The following HHATL variants were observed in gnomAD, a reference collection of about 807,000 sequenced individuals.
HHATL encodes the protein hedgehog acyltransferase like.
HHATL carries 49 observed loss-of-function variants against 59.7 expected under a neutral mutation model. The ratio of observed to expected loss-of-function variants is 0.82; its 90% CI spans 0.65 to 1.04. HHATL has a LOEUF of 1.04. Among genes scored for constraint, HHATL ranks in the 50% least tolerant of loss-of-function variants. The pLI is 0.00. For missense variants in HHATL, 605 were observed against 650.8 expected (o/e 0.93, Z 0.77); for synonymous variants, 238 against 257.3 (o/e 0.93, Z 0.72).
At chr3:42,696,574 C>G (rs1697620155) in intron 9 of HHATL, among the ~76,000 whole-genome samples, 2 of 152,186 alleles carry the variant, frequency 1.3e-5, no homozygotes, top group Admixed American at 6.5e-5. Context: ...TCTCCTTCTC[C>G]TTCCCAACAC....
At chr3:42,693,560 G>A in intron 10 of HHATL, 57 bp downstream of exon 10, 2 of 1,451,172 alleles carry the variant, frequency 1.4e-6, no homozygotes, top group East Asian at 2.4e-5. Context: ...GAAAGCAGCA[G>A]TGCCCCCCCG....
chr3:42,692,761 TTC>T lies in HHATL; in HGVS notation c.1503_1504del (p.Lys502AlafsTer8). 1 of 1,614,174 alleles carries T rather than the reference TTC, an allele frequency of 6.2e-7. No individual in the cohort carries two copies. Among genetic ancestry groups the T allele is most frequent in the South Asian group, 1.1e-5 (1 of 91,088 alleles). On this transcript the variant is annotated frameshift_variant, in exon 12 of 12. Transcript: ENST00000441594. LOFTEE classifies it high-confidence loss of function. ...TCTACCCGCTCCCTCCTACTCCGGCTTCTCTTTGTCCTGCTTCTGCTCCTCCT... is the reference window on the plus strand; with the variant it reads ...TCTACCCGCTCCCTCCTACTCCGGCTTCTTTGTCCTGCTTCTGCTCCTCCT...
intron 2 of HHATL, 98 bp downstream of exon 2, chr3:42,700,623 G>A: frequency 2.7e-6 from 2 of 728,138 alleles, no homozygotes; most frequent in East Asian, 2.7e-5. Flanking sequence ...GAGTACCCTA[G>A]GTCTGGAGCC....
In HHATL at chr3:42,694,815, G is replaced by A. The variant is rs1242695429; in HGVS notation, c.1047-997C>T. ...CCTCAGAGAAGCCTGCCTAGACCCC[G>A]ACTAAAGAAGCTTCTACCCTGTTGT... On this transcript the variant is annotated intron_variant, in intron 9 of 11. Coordinates refer to ENST00000441594, the MANE Select transcript of HHATL (RefSeq NM_020707.4). 5.3e-5 allele frequency among the ~76,000 whole-genome samples: 8 copies of A among 152,074 alleles called. No individual in the cohort carries two copies. The South Asian group carries it at 8.3e-4, about 16-fold the overall frequency.
In HHATL at chr3:42,699,158, G is replaced by A. The variant is rs201491742; in HGVS notation, c.175-13C>T. On this transcript the variant is annotated splice_polypyrimidine_tract_variant and intron_variant, in intron 3 of 11. Transcript: ENST00000441594. ...AGTCAGCCACATCCTGGGGCAGTCC[G>A]GGGCAGAAGGAGGTGGGGCAGGTGA... 68 of 1,604,026 alleles carry A rather than the reference G, an allele frequency of 4.2e-5. No individual in the cohort carries two copies. The highest frequency in any genetic ancestry group is 6.6e-5 in the South Asian group (6 of 90,868).
chr3:42,698,886 T>G lies in HHATL; in HGVS notation c.305A>C (p.Tyr102Ser). Reference sequence around the variant, plus strand: ...CACAGCCAAGGCCCCGTACACAGCATACATCCAGGAGCGGAGCTGTGGGCA... The same window carrying G: ...CACAGCCAAGGCCCCGTACACAGCAGACATCCAGGAGCGGAGCTGTGGGCA... ...MVAPKLRSWM[Y>S]AVYGALAVMG... The change falls in exon 5 of 12, where the codon TAT (tyrosine) becomes TCT (serine). Residue 102 changes from tyrosine to serine, a missense_variant. By Grantham distance (144) the Tyr-to-Ser change is moderately radical. Coordinates refer to ENST00000441594, the MANE Select transcript of HHATL (RefSeq NM_020707.4). 1 of 1,609,544 alleles carries G rather than the reference T, an allele frequency of 6.2e-7. No individual in the cohort carries two copies. The highest frequency in any genetic ancestry group is 1.3e-5 in the African/African-American group (1 of 74,912).
intron 1 of HHATL, 31 bp from the exon 2 acceptor site, chr3:42,700,870 A>G: frequency 1.3e-6 from 2 of 1,488,582 alleles, no homozygotes; most frequent in Non-Finnish European, 1.9e-6. Flanking sequence ...AGGGAATTAC[A>G]GTCTCCAGCC....
Position 42,696,987 on chromosome 3 carries a change from T to G in HHATL, c.1010+14A>C. On this transcript the variant is annotated intron_variant, in intron 8 of 11. Coordinates refer to ENST00000441594, the MANE Select transcript of HHATL (RefSeq NM_020707.4). ...CCCAGGGGGTGAGCCTCCCCCGTCC[T>G]GGCCAGCACTCACGTTTCCGCAAAG... 6.2e-7 allele frequency: 1 copy of G among 1,610,816 alleles called. No homozygotes were observed. The highest frequency in any genetic ancestry group is 8.5e-7 in the Non-Finnish European group (1 of 1,178,068).
rs773750283 is a variant in HHATL at position 42,697,170 on chromosome 3, C to T, written c.866-25G>A. On this transcript the variant is annotated intron_variant, in intron 7 of 11. Transcript: ENST00000441594. ...GCTGGGGGCAGGGCACTGTCACTGC[C>T]TGGGGTCCAATCGCCTGGGGCCTGC... 2.6e-6 allele frequency: 4 copies of T among 1,512,044 alleles called. No homozygotes were observed. The South Asian group carries it at 5.4e-5, about 20-fold the overall frequency. 93.7% of individuals were successfully genotyped at this position (1,512,044 alleles called of 1,614,324 possible).
Position 42,701,676 on chromosome 3 carries a change from G to A in HHATL, c.-13-837C>T, listed in dbSNP as rs764915647. On this transcript the variant is annotated intron_variant, in intron 1 of 11. Coordinates refer to ENST00000441594, the MANE Select transcript of HHATL (RefSeq NM_020707.4). The surrounding 1 kb of genome is among the most constrained non-coding windows in gnomAD (Gnocchi z 5.1). ...GCTGAGTCTCACCACTCCCTCCAGC[G>A]GGGGCCTAGCTTGTCCCCTGGAGAA... Among the ~76,000 whole-genome samples, 22 of 152,332 alleles carry A rather than the reference G, an allele frequency of 1.4e-4. No homozygotes were observed. Among genetic ancestry groups the A allele is most frequent in the Middle Eastern group, 3.4e-3 (1 of 294 alleles).
At chr3:42,693,887 C>A in intron 9 of HHATL, 69 bp from the exon 10 acceptor site, 4 of 1,306,574 alleles carry the variant, frequency 3.1e-6, no homozygotes, top group Non-Finnish European at 4.4e-6. Context: ...GGAGAGGACA[C>A]ACAACAGGGC....
At chr3:42,700,164 CTG>C (rs10576105) in intron 2 of HHATL, among the ~76,000 whole-genome samples, 30,425 of 90,414 alleles carry the variant, frequency 0.34, 5,383 homozygotes, top group East Asian at 0.53. Context: ...GTCCAGGACT[CTG>C]TGTGTGTGTG....
At chr3:42,694,013 C>A (rs920390446) in intron 9 of HHATL, 195 bp from the exon 10 acceptor site, 16 of 598,410 alleles carry the variant, frequency 2.7e-5, no homozygotes, top group Non-Finnish European at 4.5e-5. Context: ...TATAGCTTCT[C>A]TATCTCTGTT....
intron 8 of HHATL, 51 bp downstream of exon 8, chr3:42,696,950 G>A: frequency 6.2e-7 from 1 of 1,613,908 alleles, no homozygotes; most frequent in South Asian, 1.1e-5. Context: ...AGAGGCTAGG[G>A]GAAGGTGTGG....
Position 42,698,744 on chromosome 3 carries a change from C to A in HHATL, c.447G>T (p.Leu149=). ...TTAGGGGGTCCATCTTGAAGGAGGC[C>A]AGGCTGGCCAAGCCAAGGCCAAGAC... The part of the protein sequence containing the change: ...WLCLGLGLAS[L]ASFKMDPLIS... Residue 149 remains leucine (L), a synonymous_variant, in exon 5 of 12, where the codon CTG becomes CTT. Transcript: ENST00000441594. 1 of 1,596,056 alleles carries A rather than the reference C, an allele frequency of 6.3e-7. No individual in the cohort carries two copies. The highest frequency in any genetic ancestry group is 8.5e-7 in the Non-Finnish European group (1 of 1,173,468).
intron 6 of HHATL, 24 bp from the exon 7 acceptor site, chr3:42,697,703 G>A (rs1697697334): frequency 6.2e-7 from 1 of 1,606,216 alleles, no homozygotes. Context: ...AAGGGTCTGA[G>A]GGAAGAGGCA....
intron 2 of HHATL, among the ~76,000 whole-genome samples, chr3:42,700,254 G>A (rs1442784497): frequency 1.3e-5 from 2 of 149,374 alleles, no homozygotes; most frequent in Non-Finnish European, 3.0e-5. Flanking sequence ...CTCTCTCTGT[G>A]TGTGTGTGTC....
rs1412616804 is a variant in HHATL at position 42,698,371 on chromosome 3, G to A, written c.484-20C>T. On this transcript the variant is annotated intron_variant, in intron 5 of 11. Transcript: ENST00000441594. The stretch of plus-strand genomic sequence containing the variant: ...CCCGCTCTGGAGGGGGAAAGAACAG[G>A]CCACCAGCTCACTAGGGTGCCTCCT... 1.2e-6 allele frequency: 2 copies of A among 1,602,526 alleles called. No individual in the cohort carries two copies. The highest frequency in any genetic ancestry group is 1.3e-5 in the African/African-American group (1 of 74,618).
intron 10 of HHATL, 160 bp from the exon 11 acceptor site, chr3:42,693,378 A>G: frequency 1.1e-6 from 1 of 939,238 alleles, no homozygotes; most frequent in Non-Finnish European, 1.6e-6. Context: ...AACATGGGGA[A>G]ACAGGTCCAG....
Sources: allele counts gnomAD v4.1 joint callset (sites outside exome capture counted in the v4.1 genomes callset), GRCh38; gene constraint gnomAD v4.1.1; non-coding constraint Gnocchi (gnomAD v3.1); transcripts MANE v1.5; gene names NCBI Gene and HGNC (gene_info 2026-07-23, HGNC 2026-07-21).